The following TNFAIP2 variants were observed in gnomAD, a reference collection of about 807,000 sequenced individuals.
TNFAIP2 encodes tumor necrosis factor alpha-induced protein 2.
Under a neutral mutation model 63.5 loss-of-function variants are expected in TNFAIP2, and 47 were observed. The ratio of observed to expected loss-of-function variants is 0.74; its 90% CI spans 0.59 to 0.94. TNFAIP2 has a LOEUF of 0.94. Ranked by LOEUF, TNFAIP2 falls within the 40% of genes least tolerant of loss-of-function variation. The probability of loss-of-function intolerance (pLI) is 0.00; values close to 1 mark genes in which losing one functional copy is unlikely to be tolerated. For missense variants in TNFAIP2, 787 were observed against 850.2 expected (o/e 0.93, Z 0.92); for synonymous variants, 405 against 390.2 (o/e 1.04, Z -0.45).
chr14:103,130,330 C>T lies in TNFAIP2; in HGVS notation c.1114C>T (p.Gln372Ter). ...CACCCTGCAGATCACCTCCCAGGCC[C>T]AGGCCAAGGCCGAGAGCATCACGCT... ...IDIIQITSQA[Q>*]AKAESITLDL... The change falls in exon 6 of 12, where the codon CAG becomes TAG. Residue 372 changes from glutamine (Q) to a stop codon, truncating the protein, a stop_gained. Coordinates refer to ENST00000560869, the MANE Select transcript of TNFAIP2 (RefSeq NM_006291.4). LOFTEE classifies it high-confidence loss of function. 6.4e-7 allele frequency: 1 copy of T among 1,562,420 alleles called. No individual in the cohort carries two copies. The highest frequency in any genetic ancestry group is 2.4e-5 in the East Asian group (1 of 42,034).
At chr14:103,126,714 G>A in intron 2 of TNFAIP2, 22 bp downstream of exon 2, 1 of 1,555,806 alleles carries the variant, frequency 6.4e-7, no homozygotes, top group Non-Finnish European at 8.7e-7. Flanking sequence ...CCCTGGGTTA[G>A]AGCTAGTCTG....
In TNFAIP2 at chr14:103,131,521, A is replaced by T. The variant is rs2087972649; in HGVS notation, c.1299-118A>T. 4 of 1,362,044 alleles carry T rather than the reference A, an allele frequency of 2.9e-6. No homozygotes were observed. Among genetic ancestry groups the T allele is most frequent in the Non-Finnish European group, 3.9e-6 (4 of 1,025,528 alleles). 84.4% of individuals were successfully genotyped at this position (1,362,044 alleles called of 1,614,324 possible). A position where few individuals can be genotyped will look rare whatever the true frequency, so the allele number is the denominator to read the frequency against. On this transcript the variant is annotated intron_variant, in intron 7 of 11. Coordinates refer to ENST00000560869, the MANE Select transcript of TNFAIP2 (RefSeq NM_006291.4). The surrounding 1 kb of genome is among the most constrained non-coding windows in gnomAD (Gnocchi z 4.0). ...AACATGGATGGGAGGACTTGATCCC[A>T]TAGAGAATGGGGAGCCATTGAGGGT...
rs772796534 is a variant in TNFAIP2, at chr14:103,130,006, A to G, written c.980A>G (p.Asn327Ser). The change falls in exon 5 of 12, where the codon AAT (asparagine) becomes AGT (serine). Residue 327 changes from asparagine to serine, a missense_variant. This residue lies in a region of TNFAIP2 where 523 missense variants were observed against 604.1 expected (regional missense o/e 0.87). Transcript: ENST00000560869. ...EATFLSSEAA[N>S]VRELMDRALE... The stretch of plus-strand genomic sequence containing the variant: ...GACCTGCCCCTCCTCCTCCAGGCCA[A>G]TGTGAGGGAGTTGATGGACCGAGCT... 3.1e-6 allele frequency: 5 copies of G among 1,611,798 alleles called. No homozygotes were observed. The African/African-American group carries it at 5.3e-5, about 17-fold the overall frequency.
At chr14:103,129,943 G>A in intron 4 of TNFAIP2, 59 bp from the exon 5 acceptor site, 1 of 1,607,274 alleles carries the variant, frequency 6.2e-7, no homozygotes, top group Non-Finnish European at 8.5e-7. Flanking sequence ...AGCTTGACGG[G>A]TCTTCCAGGT....
intron 3 of TNFAIP2, among the ~76,000 whole-genome samples, chr14:103,129,097 G>A (rs1036545147): frequency 3.9e-5 from 6 of 152,250 alleles, no homozygotes; most frequent in Non-Finnish European, 7.3e-5. Context: ...GCGCTGCAGA[G>A]GCGCCAGGAC....
chr14:103,131,453 G>C lies in TNFAIP2; in HGVS notation c.1299-186G>C, dbSNP rs1438553667. ...ACTGGAGGAGGCTCACTTGCCCCCA[G>C]TTACAAGGGGATGTAGTGGAGGAGT... On this transcript the variant is annotated intron_variant, in intron 7 of 11. Transcript: ENST00000560869. This position sits in a 1 kb window ranked among gnomAD's most constrained non-coding sequence, Gnocchi z 4.0. Among the ~76,000 whole-genome samples the C allele has an allele frequency of 1.3e-5, 2 of 152,172 alleles. No individual in the cohort carries two copies. The highest frequency in any genetic ancestry group is 4.8e-5 in the African/African-American group (2 of 41,442).
intron 1 of TNFAIP2, among the ~76,000 whole-genome samples, chr14:103,126,068 C>T (rs1304429376): frequency 6.6e-6 from 1 of 152,242 alleles, no homozygotes. Context: ...CGTCCCCAGC[C>T]TCTTCCTTGC....
rs1436348150 is a variant in TNFAIP2, at chr14:103,131,036, C to T, written c.1200-16C>T. ...GTTTGGGCTGGTCCTGAATGTGCCC[C>T]TTCTGGTTTCGCCAGCTACCAGCGC... On this transcript the variant is annotated splice_polypyrimidine_tract_variant and intron_variant, in intron 6 of 11. Coordinates refer to ENST00000560869, the MANE Select transcript of TNFAIP2 (RefSeq NM_006291.4). The surrounding 1 kb of genome is among the most constrained non-coding windows in gnomAD (Gnocchi z 4.0). 3.7e-6 allele frequency: 6 copies of T among 1,613,784 alleles called. No homozygotes were observed. The East Asian group carries it at 1.3e-4, about 36-fold the overall frequency.
chr14:103,122,722 C>T (rs571863729), upstream of TNFAIP2: 190 of 456,026 alleles, frequency 4.2e-4, 1 homozygote, highest in Non-Finnish European at 7.5e-4. Flanking sequence ...TTGGGCCCCT[C>T]CCCTTCTGCC....
chr14:103,135,531 A>G lies in TNFAIP2; in HGVS notation c.*171A>G. 3 of 1,468,834 alleles carry G rather than the reference A, an allele frequency of 2.0e-6. No homozygotes were observed. The South Asian group carries it at 4.2e-5, about 21-fold the overall frequency. 91.0% of individuals were successfully genotyped at this position (1,468,834 alleles called of 1,614,324 possible). A position where few individuals can be genotyped will look rare whatever the true frequency, so the allele number is the denominator to read the frequency against. ...CAGGCCCTGTCAGCTGGAACTGGAC[A>G]GACCTTGGTTTGTTTACATGTCCGA... On this transcript the variant is annotated 3_prime_UTR_variant, in exon 12 of 12. Coordinates refer to ENST00000560869, the MANE Select transcript of TNFAIP2 (RefSeq NM_006291.4). This position sits in a 1 kb window ranked among gnomAD's most constrained non-coding sequence, Gnocchi z 7.6.
At chr14:103,132,293 A>T (rs2087993196) in intron 8 of TNFAIP2, among the ~76,000 whole-genome samples, 1 of 152,144 alleles carries the variant, frequency 6.6e-6, no homozygotes, top group African/African-American at 2.4e-5. Flanking sequence ...AGCAGGGTGT[A>T]AAGTGGGGGG....
chr14:103,125,483 A>C (rs1406880404), intron 1 of TNFAIP2, among the ~76,000 whole-genome samples: 2 of 152,174 alleles, frequency 1.3e-5, no homozygotes, highest in Non-Finnish European at 2.9e-5. Context: ...ACCCTTCCAG[A>C]TGAGAGAAAG....
At chr14:103,130,507 C>T (rs2139560980) in intron 6 of TNFAIP2, 92 bp downstream of exon 6, 1 of 1,195,904 alleles carries the variant, frequency 8.4e-7, no homozygotes, top group Non-Finnish European at 1.2e-6. Context: ...TGAGCTGGAT[C>T]CCCGCCCTCT....
rs2088068399 is a variant in TNFAIP2 at position 103,135,153 on chromosome 14, G to A, written c.1824-66G>A. 6.2e-7 allele frequency: 1 copy of A among 1,607,124 alleles called. No homozygotes were observed. The highest frequency in any genetic ancestry group is 8.5e-7 in the Non-Finnish European group (1 of 1,174,818). ...TCGGGCCCTGTGGCACTGGCCGGGA[G>A]TGCAGGGAGCTGGTGAGTAGGGGTG... On this transcript the variant is annotated intron_variant, in intron 11 of 11. Coordinates refer to ENST00000560869, the MANE Select transcript of TNFAIP2 (RefSeq NM_006291.4). This position sits in a 1 kb window ranked among gnomAD's most constrained non-coding sequence, Gnocchi z 7.6.
rs1052789514 is a variant in TNFAIP2 at position 103,136,352 on chromosome 14, A to C, written c.*992A>C. 1 of 172,472 alleles carries C rather than the reference A, an allele frequency of 5.8e-6. No homozygotes were observed. Among genetic ancestry groups the C allele is most frequent in the Non-Finnish European group, 1.3e-5 (1 of 79,878 alleles). The allele number at this position is 172,472 out of a possible 1,614,324, so 10.7% of individuals were successfully genotyped here. A position where few individuals can be genotyped will look rare whatever the true frequency, so the allele number is the denominator to read the frequency against. The stretch of plus-strand genomic sequence containing the variant: ...CAAATCTGGGTGTCGGCAGTCCTGC[A>C]CTCCTTCTGGAGGCTCTAGGGGAGA... On this transcript the variant is annotated 3_prime_UTR_variant, in exon 12 of 12. Coordinates refer to ENST00000560869, the MANE Select transcript of TNFAIP2 (RefSeq NM_006291.4).
upstream of TNFAIP2, chr14:103,123,392 G>A (rs2087785958): frequency 6.6e-6 from 1 of 152,110 alleles, no homozygotes. Flanking sequence ...GCGGGGCGGG[G>A]AAGGAGGGGC....
intron 1 of TNFAIP2, among the ~76,000 whole-genome samples, chr14:103,126,004 A>C (rs2087844742): frequency 6.6e-6 from 1 of 152,182 alleles, no homozygotes; most frequent in Admixed American, 6.5e-5. Context: ...GTGGGCTGGC[A>C]GGGAAGGATT....
intron 2 of TNFAIP2, 57 bp from the exon 3 acceptor site, chr14:103,126,948 G>T: frequency 7.7e-7 from 1 of 1,291,344 alleles, no homozygotes; most frequent in Non-Finnish European, 9.8e-7. Flanking sequence ...GGCGCTGGCC[G>T]CCCCGCCCGG....
chr14:103,134,558 A>G (rs544877416), intron 11 of TNFAIP2, among the ~76,000 whole-genome samples: 6 of 141,394 alleles, frequency 4.2e-5, no homozygotes, highest in African/African-American at 1.6e-4. Flanking sequence ...CCCTCCACCC[A>G]TTTAGCTATC....
Sources: gnomAD v4.1 joint callset for allele counts (sites outside exome capture counted in the v4.1 genomes callset) on GRCh38, gnomAD v4.1.1 for gene constraint, gnomAD v4.1.1 regional missense constraint, Gnocchi (gnomAD v3.1) non-coding constraint, MANE v1.5 for transcripts, NCBI Gene and HGNC (gene_info 2026-07-23, HGNC 2026-07-21) for gene names.